The following DLGAP5 variants were observed in gnomAD, a reference collection of about 807,000 sequenced individuals.
DLGAP5 encodes the protein disks large-associated protein 5.
DLGAP5 carries 90 observed loss-of-function variants against 99.6 expected under a neutral mutation model. That is an observed-to-expected ratio of 0.90 (90% CI 0.76 to 1.08). DLGAP5 has a LOEUF of 1.08. DLGAP5 is among the 50% of genes least tolerant of loss of function. DLGAP5 has a pLI of 0.00. For missense variants in DLGAP5, 1,036 were observed against 983.5 expected (o/e 1.05, Z -0.71); for synonymous variants, 311 against 321.3 (o/e 0.97, Z 0.34).
At chr14:55,179,734 A>G in intron 6 of DLGAP5, 35 bp from the exon 7 acceptor site, 1 of 1,539,890 alleles carries the variant, frequency 6.5e-7, no homozygotes. Context: ...TTTACTAGAT[A>G]GAAATGCTAC....
At chr14:55,191,122 G>A (rs562027884) in intron 1 of DLGAP5, 1 of 152,186 alleles carries the variant, frequency 6.6e-6, no homozygotes, top group Non-Finnish European at 1.5e-5. Flanking sequence ...TCCAGAATGC[G>A]TTAATCTTGC....
intron 9 of DLGAP5, among the ~76,000 whole-genome samples, 195 bp from the exon 10 acceptor site, chr14:55,175,667 G>A (rs948214456): frequency 1.2e-4 from 18 of 151,688 alleles, no homozygotes; most frequent in African/African-American, 4.4e-4. Context: ...CCCCTCTTCT[G>A]TCTGTATTCT....
At chr14:55,158,481 T>G in intron 14 of DLGAP5, 41 bp downstream of exon 14, 1 of 1,565,508 alleles carries the variant, frequency 6.4e-7, no homozygotes, top group Non-Finnish European at 8.7e-7. Context: ...TTAAGTAGTC[T>G]CAGGAAAAAC....
chr14:55,149,811 G>A (rs111573888), intron 18 of DLGAP5, among the ~76,000 whole-genome samples: 1,429 of 48,754 alleles, frequency 0.029, 35 homozygotes, highest in African/African-American at 0.2. Flanking sequence ...TTTGAGAATC[G>A]GGGCGGGGGG....
In DLGAP5 at chr14:55,155,816, C is replaced by G. The variant is rs760510312; in HGVS notation, c.1874-1010G>C. On this transcript the variant is annotated intron_variant, in intron 14 of 18. Coordinates refer to ENST00000247191, the MANE Select transcript of DLGAP5 (RefSeq NM_014750.5). ...TCAAGAAAAATGAATTGGCCGGGCG[C>G]GGTGGCTCATGCCTGTGATCCCAGC... Among the ~76,000 whole-genome samples, 13 of 151,716 alleles carry G rather than the reference C, an allele frequency of 8.6e-5. 1 individual carries two copies. Among genetic ancestry groups the G allele is most frequent in the Admixed American group, 8.5e-4 (13 of 15,210 alleles).
At chr14:55,188,800 A>G in intron 2 of DLGAP5, 142 bp downstream of exon 2, 1 of 590,222 alleles carries the variant, frequency 1.7e-6, no homozygotes, top group Non-Finnish European at 2.8e-6. Context: ...AAAAAAAAAA[A>G]AGGAAAAAGA....
Position 55,150,827 on chromosome 14 carries a change from A to G in DLGAP5, c.2390T>C (p.Leu797Pro). ...SQSELFDNKS[L>P]TTECHLLDSP... ...ATCAAGAAGGTGGCATTCAGTAGTG[A>G]GACTTTTATTATCAAATAGTTCTGA... The change falls in exon 18 of 19, where the codon CTC becomes CCC. Residue 797 changes from leucine to proline, a missense_variant. Coordinates refer to ENST00000247191, the MANE Select transcript of DLGAP5 (RefSeq NM_014750.5). The G allele has an allele frequency of 2.5e-6, 4 of 1,583,992 alleles. No homozygotes were observed. The highest frequency in any genetic ancestry group is 2.6e-6 in the Non-Finnish European group (3 of 1,170,762).
intron 16 of DLGAP5, 104 bp from the exon 17 acceptor site, chr14:55,152,045 T>A: frequency 9.4e-7 from 1 of 1,062,002 alleles, no homozygotes; most frequent in Non-Finnish European, 1.4e-6. Context: ...AAGGATGACA[T>A]CCCGGACACA....
intron 2 of DLGAP5, among the ~76,000 whole-genome samples, chr14:55,186,880 C>T (rs1201611270): frequency 2.0e-5 from 3 of 152,218 alleles, no homozygotes; most frequent in Non-Finnish European, 2.9e-5. Flanking sequence ...TCTTACATTA[C>T]TTTGCATTGT....
At chr14:55,178,597 G>C (rs1431261023) in intron 7 of DLGAP5, among the ~76,000 whole-genome samples, 2 of 152,210 alleles carry the variant, frequency 1.3e-5, no homozygotes, top group African/African-American at 2.4e-5. Context: ...GCAAAAACTA[G>C]TGATAATCCT....
At chr14:55,152,774 G>C in intron 15 of DLGAP5, 127 bp from the exon 16 acceptor site, 2 of 683,614 alleles carry the variant, frequency 2.9e-6, no homozygotes, top group Non-Finnish European at 4.5e-6. Flanking sequence ...CCTGGTGCAA[G>C]ATCAGGCGTG....
At chr14:55,178,238 C>A (rs999667804) in intron 7 of DLGAP5, among the ~76,000 whole-genome samples, 1 of 151,358 alleles carries the variant, frequency 6.6e-6, no homozygotes, top group Non-Finnish European at 1.5e-5. Context: ...GGCGACAGAG[C>A]GAGACTCTGT....
intron 12 of DLGAP5, among the ~76,000 whole-genome samples, chr14:55,167,001 A>T (rs1882667252): frequency 6.6e-6 from 1 of 151,948 alleles, no homozygotes. Context: ...CACACCTGTA[A>T]TCCCAGCACT....
chr14:55,160,610 G>A (rs1247402232), intron 13 of DLGAP5, among the ~76,000 whole-genome samples: 1 of 151,714 alleles, frequency 6.6e-6, no homozygotes, highest in African/African-American at 2.4e-5. Flanking sequence ...ACCATGCCTG[G>A]CTAATTTTTT....
At chr14:55,163,924 C>T (rs1378746893) in intron 12 of DLGAP5, among the ~76,000 whole-genome samples, 1 of 152,150 alleles carries the variant, frequency 6.6e-6, no homozygotes, top group Non-Finnish European at 1.5e-5. Flanking sequence ...TTTTGGATAA[C>T]AGTCTTTTAT....
chr14:55,159,809 T>A (rs1016630651), intron 13 of DLGAP5, among the ~76,000 whole-genome samples: 2 of 151,866 alleles, frequency 1.3e-5, no homozygotes, highest in Admixed American at 1.3e-4. Context: ...AGAGTAGAGG[T>A]AGGAATTCTA....
chr14:55,190,161 G>A (rs1470358655), intron 1 of DLGAP5, among the ~76,000 whole-genome samples: 4 of 152,044 alleles, frequency 2.6e-5, no homozygotes, highest in South Asian at 2.1e-4. Flanking sequence ...AGGCCGGCAC[G>A]GTGGCTTAGG....
chr14:55,183,949 TTGAGACCAGCCTGGCCAACGTGG>T (rs1266277169), intron 2 of DLGAP5, among the ~76,000 whole-genome samples, 196 bp from the exon 3 acceptor site: 6 of 152,116 alleles, frequency 3.9e-5, no homozygotes, highest in Admixed American at 3.3e-4. Context: ...GGTCAGGAGT[TTGAGACCAGCCTGGCCAACGTGG>T]TGAAATCCCA....
rs1881899438 is a variant in DLGAP5, at chr14:55,148,475, T to C, written c.2419-2A>G. The C allele has an allele frequency of 6.2e-7, 1 of 1,613,884 alleles. No homozygotes were observed. Among genetic ancestry groups the C allele is most frequent in the Non-Finnish European group, 8.5e-7 (1 of 1,179,980 alleles). ...TGGATTACTGCAGTTTAGACCTGGC[T>C]GGAGAACAAATCCAGAGAAGTCAGT... On this transcript the variant is annotated splice_acceptor_variant, in intron 18 of 18. Coordinates refer to ENST00000247191, the MANE Select transcript of DLGAP5 (RefSeq NM_014750.5). LOFTEE classifies it high-confidence loss of function.
Sources: allele counts gnomAD v4.1 joint callset (sites outside exome capture counted in the v4.1 genomes callset), GRCh38; gene constraint gnomAD v4.1.1; transcripts MANE v1.5; gene names NCBI Gene and HGNC (gene_info 2026-07-23, HGNC 2026-07-21).